Variants in ZNRF3 observed in about 807,000 individuals in gnomAD.
The protein encoded by ZNRF3 is E3 ubiquitin-protein ligase ZNRF3.
In ZNRF3, 23 loss-of-function variants were observed where a neutral mutation model predicts 72.5. The observed-to-expected ratio is 0.32, with a 90% CI of 0.23 to 0.45. The LOEUF (loss-of-function observed/expected upper bound fraction) is 0.45, where lower values mean the gene tolerates loss of function less well. ZNRF3 is among the 20% of genes least tolerant of loss of function. The pLI is 1.00. For missense variants in ZNRF3, 1,169 were observed against 1,272.1 expected (o/e 0.92, Z 1.23); for synonymous variants, 610 against 545.3 (o/e 1.12, Z -1.65).
intron 2 of ZNRF3, among the ~76,000 whole-genome samples, chr22:29,035,921 G>T (rs2123876168): frequency 6.6e-6 from 1 of 152,102 alleles, no homozygotes; most frequent in Admixed American, 6.6e-5. Flanking sequence ...TGCCCAGGCT[G>T]GCCTCAAGCT....
intron 2 of ZNRF3, among the ~76,000 whole-genome samples, chr22:29,020,761 TTTTGTGTGTGTGTGGG>T (rs1406832689): frequency 0.011 from 474 of 42,952 alleles, 3 homozygotes; most frequent in Non-Finnish European, 0.019. Flanking sequence ...GGGGCTTTGT[TTTTGTGTGTGTGTGGG>T]TGTGTGTGTG....
chr22:28,998,315 A>G (rs1409686919), intron 2 of ZNRF3, among the ~76,000 whole-genome samples: 1 of 152,096 alleles, frequency 6.6e-6, no homozygotes, highest in Non-Finnish European at 1.5e-5. Context: ...AAAAGTATGT[A>G]AAGTTCTTGG....
At chr22:29,000,891 C>T (rs193009883) in intron 2 of ZNRF3, among the ~76,000 whole-genome samples, 29 of 152,088 alleles carry the variant, frequency 1.9e-4, no homozygotes, top group Admixed American at 3.3e-4. Context: ...CGGGATCAGG[C>T]GATCCTCCCA....
chr22:29,002,643 G>A (rs960239580), intron 2 of ZNRF3, among the ~76,000 whole-genome samples: 7 of 152,158 alleles, frequency 4.6e-5, no homozygotes, highest in African/African-American at 1.7e-4. Flanking sequence ...CTAACTGATG[G>A]CCAGGCCCTT....
chr22:28,984,206 C>T (rs1206879234), intron 1 of ZNRF3, among the ~76,000 whole-genome samples: 1 of 151,912 alleles, frequency 6.6e-6, no homozygotes, highest in Non-Finnish European at 1.5e-5. Context: ...AATTAAGTGG[C>T]ATTTAATATG....
chr22:28,992,874 G>A (rs1448634690), intron 2 of ZNRF3: 1 of 152,370 alleles, frequency 6.6e-6, no homozygotes, highest in African/African-American at 2.4e-5. Context: ...TGAGTGAAAA[G>A]TGAGTCCACG....
chr22:28,995,004 A>G, intron 2 of ZNRF3, among the ~76,000 whole-genome samples: 1 of 152,218 alleles, frequency 6.6e-6, no homozygotes, highest in Non-Finnish European at 1.5e-5. Flanking sequence ...TTTGTGCATC[A>G]GGATGCCCTG....
intron 1 of ZNRF3, among the ~76,000 whole-genome samples, chr22:28,904,181 G>T (rs2034161997): frequency 6.6e-6 from 1 of 152,148 alleles, no homozygotes; most frequent in South Asian, 2.1e-4. Context: ...CTGTCTTTAA[G>T]TCTGAGTGAC....
chr22:28,894,561 C>T (rs2033956614), intron 1 of ZNRF3, among the ~76,000 whole-genome samples: 1 of 152,176 alleles, frequency 6.6e-6, no homozygotes, highest in Non-Finnish European at 1.5e-5. Flanking sequence ...GCTGTCGTCA[C>T]ACCCTGTGGC....
intron 1 of ZNRF3, among the ~76,000 whole-genome samples, chr22:28,884,898 C>T (rs2033748547): frequency 6.6e-6 from 1 of 152,164 alleles, no homozygotes; most frequent in African/African-American, 2.4e-5. Context: ...TCAACTGAAG[C>T]TTCTGCGGAT....
At chr22:28,931,054 G>A (rs1247498259) in intron 1 of ZNRF3, among the ~76,000 whole-genome samples, 1 of 152,194 alleles carries the variant, frequency 6.6e-6, no homozygotes, top group East Asian at 1.9e-4. Context: ...CCCATGCTTT[G>A]ATGTGTATAC....
chr22:28,988,457 G>GC (rs1240353152), intron 2 of ZNRF3, among the ~76,000 whole-genome samples: 1 of 152,110 alleles, frequency 6.6e-6, no homozygotes, highest in African/African-American at 2.4e-5. Context: ...TGTGGTTTTT[G>GC]CATCCCTCTT....
At position 29,050,674 on chromosome 22, in the gene ZNRF3, C is replaced by T. The variant is rs377619957; in HGVS notation, c.2493C>T (p.Ile831=). 2 of 1,612,496 alleles carry T rather than the reference C, an allele frequency of 1.2e-6. No individual in the cohort carries two copies. Among genetic ancestry groups the T allele is most frequent in the Middle Eastern group, 1.6e-4 (1 of 6,062 alleles). Residue 831 remains isoleucine, a synonymous_variant, in exon 8 of 9, where the codon ATC becomes ATT. Coordinates refer to ENST00000544604, the MANE Select transcript of ZNRF3 (RefSeq NM_001206998.2). ...GGGACCTGAGCCAGCGCATCCCCAT[C>T]ATTCCAGAGGATGTGGACTGTGATC... ...GARDLSQRIP[I]IPEDVDCDLG... is the part of the protein sequence containing the mutation.
chr22:28,943,337 G>A (rs150696894), intron 1 of ZNRF3, among the ~76,000 whole-genome samples: 37 of 152,252 alleles, frequency 2.4e-4, no homozygotes, highest in Admixed American at 2.3e-3. Flanking sequence ...GCTTCCCTTA[G>A]CAACCGATCC....
In ZNRF3 at chr22:28,987,206, G is replaced by A. The variant is rs751490878; in HGVS notation, c.426+5G>A. The A allele has an allele frequency of 2.5e-6, 4 of 1,605,390 alleles. No homozygotes were observed. The highest frequency in any genetic ancestry group is 3.4e-6 in the Non-Finnish European group (4 of 1,177,466). ...TGCCTCACTGTCCTAGGCAAGGTAA[G>A]CACCAGGCCCTTGGAATCACTGTGT... On this transcript the variant is annotated splice_donor_5th_base_variant and intron_variant, in intron 2 of 8. Transcript: ENST00000544604.
In ZNRF3 at chr22:29,054,674, G is replaced by T. The variant is rs911826302; in HGVS notation, c.*1052G>T. 6.5e-6 allele frequency: 1 copy of T among 152,788 alleles called. No homozygotes were observed. The allele number at this position is 152,788 out of a possible 1,614,324, so 9.5% of individuals were successfully genotyped here. On this transcript the variant is annotated 3_prime_UTR_variant, in exon 9 of 9. Transcript: ENST00000544604. ...TGTGGCCTTGGTGTCCGATGGGGCTGGGGGAGAGTGCTCTCCACTGACCCA... is the reference window on the plus strand; with the variant it reads ...TGTGGCCTTGGTGTCCGATGGGGCTTGGGGAGAGTGCTCTCCACTGACCCA...
At chr22:29,036,928 T>G (rs1361456327) in intron 2 of ZNRF3, among the ~76,000 whole-genome samples, 1 of 152,142 alleles carries the variant, frequency 6.6e-6, no homozygotes, top group African/African-American at 2.4e-5. Context: ...GGCAAAAAAT[T>G]CTGTTTGGGG....
rs751125671 is a variant in ZNRF3 at position 29,049,462 on chromosome 22, C to T, written c.1281C>T (p.Ser427=). ...RSYPPLHLDH[S]LAAHRCGLEH... ...ACCCACCCCTCCACCTGGACCACAG[C>T]CTGGCCGCTCACCGCTGCGGCCTGG... Residue 427 remains serine (S), a synonymous_variant, in exon 8 of 9, where the codon AGC becomes AGT. Coordinates refer to ENST00000544604, the MANE Select transcript of ZNRF3 (RefSeq NM_001206998.2). The surrounding 1 kb of genome is among the most constrained non-coding windows in gnomAD (Gnocchi z 5.2). 10 of 1,605,122 alleles carry T rather than the reference C, an allele frequency of 6.2e-6. No individual in the cohort carries two copies. The highest frequency in any genetic ancestry group is 1.3e-5 in the African/African-American group (1 of 74,900).
intron 1 of ZNRF3, among the ~76,000 whole-genome samples, chr22:28,908,419 T>A (rs1010121129): frequency 6.6e-6 from 1 of 152,206 alleles, no homozygotes; most frequent in Non-Finnish European, 1.5e-5. Context: ...TGAACTAGCG[T>A]TGGGCCGTGT....
Sources: gnomAD v4.1 joint callset for allele counts (sites outside exome capture counted in the v4.1 genomes callset) on GRCh38, gnomAD v4.1.1 for gene constraint, Gnocchi (gnomAD v3.1) non-coding constraint, MANE v1.5 for transcripts, NCBI Gene and HGNC (gene_info 2026-07-23, HGNC 2026-07-21) for gene names.